Variants in PCDH15 observed in about 807,000 individuals in gnomAD.
The protein encoded by PCDH15 is protocadherin related 15.
In PCDH15, 129 loss-of-function variants were observed where a neutral mutation model predicts 178.5. The observed-to-expected ratio is 0.72, with a 90% CI of 0.63 to 0.84. PCDH15 has a LOEUF of 0.84. Ranked by LOEUF, PCDH15 falls within the 40% of genes least tolerant of loss-of-function variation. PCDH15 has a pLI of 0.00. For synonymous variants in PCDH15, 800 were observed against 732.0 expected, an observed-to-expected ratio of 1.09 and a Z score of -1.50; for missense variants, 2,230 against 2,099.9, an observed-to-expected ratio of 1.06 and a Z score of -1.21.
In PCDH15 at chr10:53,806,996, A is replaced by G. The variant is rs1841216112; in HGVS notation, c.4806T>C (p.Asn1602=). ...HPSIHSNING[N]IYIAQNGSVV... is the part of the protein sequence containing the mutation. The stretch of plus-strand genomic sequence containing the variant: ...CAGAACCATTCTGTGCAATATATAT[A>G]TTGCCGTTGATATTACTGTGGATAC... Residue 1602 remains asparagine (N), a synonymous_variant, in exon 38 of 38, where the codon AAT becomes AAC. Transcript: ENST00000644397. 6 of 1,613,470 alleles carry G rather than the reference A, an allele frequency of 3.7e-6. No individual in the cohort carries two copies. Among genetic ancestry groups the G allele is most frequent in the Non-Finnish European group, 4.2e-6 (5 of 1,179,780 alleles).
intron 1 of PCDH15, among the ~76,000 whole-genome samples, chr10:55,214,001 T>C (rs1450042175): frequency 6.6e-6 from 1 of 152,002 alleles, no homozygotes; most frequent in Admixed American, 6.6e-5. Context: ...CTAGTTTCCA[T>C]TAGAAGCTCT....
chr10:55,538,830 TCTCG>T (rs1841679267), intron 2 of PCDH15, among the ~76,000 whole-genome samples: 1 of 110,792 alleles, frequency 9.0e-6, no homozygotes, highest in African/African-American at 3.5e-5. Flanking sequence ...TCCTTCCTCC[TCTCG>T]TTCCTTCCTC....
chr10:55,527,010 G>T (rs1315250588), intron 2 of PCDH15, among the ~76,000 whole-genome samples: 1 of 151,986 alleles, frequency 6.6e-6, no homozygotes, highest in Non-Finnish European at 1.5e-5. Flanking sequence ...TCCCTGGCAA[G>T]CATTGCTTAA....
chr10:54,386,730 A>G (rs1949977788), intron 3 of PCDH15, among the ~76,000 whole-genome samples: 1 of 152,214 alleles, frequency 6.6e-6, no homozygotes, highest in African/African-American at 2.4e-5. Context: ...ATCACTAATC[A>G]TTGGGGAAAT....
rs995529980 is a variant in PCDH15, at chr10:55,470,668, C to T, written c.-156+156957G>A. On this transcript the variant is annotated intron_variant, in intron 2 of 5. Coordinates refer to the PCDH15 transcript ENST00000613346. The stretch of plus-strand genomic sequence containing the variant: ...AACCTACAGTGACACGTCAAATGCA[C>T]CCAACGTGCACGGTTTACATTAGAG... Among the ~76,000 whole-genome samples, 3 of 152,030 alleles carry T rather than the reference C, an allele frequency of 2.0e-5. No homozygotes were observed. In the South Asian group the frequency reaches 6.2e-4, roughly 32 times the overall value.
At position 54,556,914 on chromosome 10, in the gene PCDH15, T is replaced by G. The variant is rs192357139; in HGVS notation, c.92-29037A>C. ...TGGGGGTGGGAGGAGTAGGAGGCTG[T>G]GTGATTTAAAATTAATTATTTGGCC... On this transcript the variant is annotated intron_variant, in intron 2 of 37. Transcript: ENST00000644397. 9.3e-4 allele frequency among the ~76,000 whole-genome samples: 141 copies of G among 152,174 alleles called. 1 individual carries two copies. Among genetic ancestry groups the G allele is most frequent in the African/African-American group, 3.3e-3 (137 of 41,532 alleles).
At chr10:54,830,570 T>A (rs944784009) in intron 3 of PCDH15, among the ~76,000 whole-genome samples, 2 of 149,406 alleles carry the variant, frequency 1.3e-5, no homozygotes, top group Admixed American at 6.7e-5. Flanking sequence ...AACATCACAA[T>A]CTGGGGACTG....
chr10:54,409,735 A>T (rs1953203317), intron 3 of PCDH15, among the ~76,000 whole-genome samples: 1 of 152,064 alleles, frequency 6.6e-6, no homozygotes, highest in Non-Finnish European at 1.5e-5. Flanking sequence ...TGATATTTGG[A>T]GGTGGGGCCT....
chr10:55,578,436 G>C (rs2132117139), intron 2 of PCDH15, among the ~76,000 whole-genome samples: 1 of 152,140 alleles, frequency 6.6e-6, no homozygotes, highest in African/African-American at 2.4e-5. Flanking sequence ...AGCCAGGATG[G>C]TCTCGATCTG....
At chr10:53,925,249 C>T (rs539654901) in intron 25 of PCDH15, among the ~76,000 whole-genome samples, 7 of 152,106 alleles carry the variant, frequency 4.6e-5, no homozygotes, top group African/African-American at 4.8e-5. Flanking sequence ...CTGAGGCCAG[C>T]GAGACCACGA....
At chr10:55,031,783 C>T (rs976231648) in intron 2 of PCDH15, among the ~76,000 whole-genome samples, 15 of 152,228 alleles carry the variant, frequency 9.9e-5, no homozygotes, top group Admixed American at 2.6e-4. Context: ...CTCTGGAGGA[C>T]GCAGGACTCA....
intron 18 of PCDH15, among the ~76,000 whole-genome samples, chr10:54,033,995 A>T (rs1487986885): frequency 2.6e-5 from 4 of 151,884 alleles, no homozygotes; most frequent in Non-Finnish European, 5.9e-5. Context: ...TTGTCTCACA[A>T]ATCATTTTCT....
intron 10 of PCDH15, among the ~76,000 whole-genome samples, chr10:54,211,748 AAGAG>A (rs770165122): frequency 3.3e-5 from 5 of 151,660 alleles, no homozygotes; most frequent in Admixed American, 6.6e-5. Flanking sequence ...TTAAAGTAAA[AAGAG>A]AGAGAGAGAG....
intron 27 of PCDH15, among the ~76,000 whole-genome samples, chr10:53,857,746 T>C (rs1234379811): frequency 6.6e-6 from 1 of 152,146 alleles, no homozygotes; most frequent in Admixed American, 6.6e-5. Context: ...TAACCAACTT[T>C]AAATTTGTGT....
intron 3 of PCDH15, among the ~76,000 whole-genome samples, chr10:54,516,884 G>A (rs1242706981): frequency 6.6e-6 from 1 of 152,208 alleles, no homozygotes; most frequent in Admixed American, 6.5e-5. Context: ...CTACAAGCCA[G>A]AAGAGAGTGG....
intron 3 of PCDH15, among the ~76,000 whole-genome samples, chr10:54,439,948 A>C (rs1487474940): frequency 6.6e-6 from 1 of 152,060 alleles, no homozygotes; most frequent in Non-Finnish European, 1.5e-5. Context: ...TTATCCTTAG[A>C]TTATCTAATA....
At chr10:55,531,387 T>G (rs1465220416) in intron 2 of PCDH15, among the ~76,000 whole-genome samples, 3 of 151,980 alleles carry the variant, frequency 2.0e-5, no homozygotes, top group African/African-American at 7.2e-5. Flanking sequence ...TAAAAATAGG[T>G]AATCTTTTAC....
intron 27 of PCDH15, among the ~76,000 whole-genome samples, chr10:53,860,211 A>G (rs904763517): frequency 6.6e-6 from 1 of 152,176 alleles, no homozygotes; most frequent in South Asian, 2.1e-4. Flanking sequence ...AAATAATGAA[A>G]TAAATATTTG....
chr10:54,898,231 T>C (rs1954579541), intron 2 of PCDH15, among the ~76,000 whole-genome samples: 2 of 152,182 alleles, frequency 1.3e-5, no homozygotes. Context: ...GGTATTTCTT[T>C]ATAGCAATGC....
Sources: allele counts gnomAD v4.1 joint callset (sites outside exome capture counted in the v4.1 genomes callset), GRCh38; gene constraint gnomAD v4.1.1; transcripts MANE v1.5; gene names NCBI Gene and HGNC (gene_info 2026-07-23, HGNC 2026-07-21).